CHRNB3: variants seen among roughly 807,000 people sequenced by gnomAD.
CHRNB3 encodes the protein neuronal acetylcholine receptor subunit beta-3.
A neutral mutation model predicts 40.6 loss-of-function variants in CHRNB3; 37 were observed. That is an observed-to-expected ratio of 0.91 (90% CI 0.70 to 1.20). The LOEUF (loss-of-function observed/expected upper bound fraction) is 1.20. Among genes scored for constraint, CHRNB3 ranks in the 50% most tolerant of loss-of-function variants. The pLI is 0.00. For missense variants in CHRNB3, 505 were observed against 551.2 expected (o/e 0.92, Z 0.84); for synonymous variants, 207 against 207.1 (o/e 1.00, Z 0.00).
At chr8:42,719,775 T>C (rs1437168115) in intron 3 of CHRNB3, among the ~76,000 whole-genome samples, 3 of 152,134 alleles carry the variant, frequency 2.0e-5, no homozygotes, top group Non-Finnish European at 4.4e-5. Context: ...TGCAAAGCAA[T>C]GCAGCAGCTG....
chr8:42,735,763 TC>T (rs887841519), intron 5 of CHRNB3, among the ~76,000 whole-genome samples: 1 of 152,108 alleles, frequency 6.6e-6, no homozygotes, highest in Admixed American at 6.6e-5. Context: ...TGAATTCCTG[TC>T]TTGTCCTGGT....
chr8:42,698,157 T>G (rs955924138), intron 1 of CHRNB3, among the ~76,000 whole-genome samples: 3 of 152,126 alleles, frequency 2.0e-5, no homozygotes, highest in Non-Finnish European at 4.4e-5. Context: ...TAGAGGAATT[T>G]TTGATAAGGA....
chr8:42,698,461 G>T lies in CHRNB3; in HGVS notation c.52+863G>T, dbSNP rs556223368. Among the ~76,000 whole-genome samples, 46 of 152,266 alleles carry T rather than the reference G, an allele frequency of 3.0e-4. 2 individuals carry two copies. The highest frequency in any genetic ancestry group is 2.6e-3 in the Admixed American group (39 of 15,288). ...AGTATTTTTGCCACGTTTGATTATTGTAATTTTCAAATGGAGAACTGGAGA... is the reference window on the plus strand; with the variant it reads ...AGTATTTTTGCCACGTTTGATTATTTTAATTTTCAAATGGAGAACTGGAGA... On this transcript the variant is annotated intron_variant, in intron 1 of 5. Transcript: ENST00000289957.
chr8:42,703,872 G>C (rs1232153258), intron 1 of CHRNB3, among the ~76,000 whole-genome samples: 1 of 152,216 alleles, frequency 6.6e-6, no homozygotes, highest in South Asian at 2.1e-4. Context: ...GGACAAACCA[G>C]AAACATTTCC....
At chr8:42,724,343 C>CA (rs1336388713) in intron 3 of CHRNB3, among the ~76,000 whole-genome samples, 2 of 152,134 alleles carry the variant, frequency 1.3e-5, no homozygotes, top group Non-Finnish European at 2.9e-5. Flanking sequence ...TGCTTTCCCC[C>CA]AAAGTTCAAG....
chr8:42,736,766 G>T lies in CHRNB3; in HGVS notation c.*148G>T. 1 of 967,330 alleles carries T rather than the reference G, an allele frequency of 1.0e-6. No individual in the cohort carries two copies. The allele number at this position is 967,330 out of a possible 1,614,324, so 59.9% of individuals were successfully genotyped here. The stretch of plus-strand genomic sequence containing the variant: ...ACATCTCCTCATGGGAGAAACTCTG[G>T]TAAATGTGCTCATTTGTGGTTGCCA... On this transcript the variant is annotated 3_prime_UTR_variant, in exon 6 of 6. Transcript: ENST00000289957.
chr8:42,721,762 A>G (rs936833153), intron 3 of CHRNB3: 14 of 144,760 alleles, frequency 9.7e-5, no homozygotes, highest in Non-Finnish European at 2.0e-4. Flanking sequence ...AAAACAAAAC[A>G]TTTCCTGTGT....
At chr8:42,728,409 G>A (rs1421789704) in intron 3 of CHRNB3, among the ~76,000 whole-genome samples, 2 of 152,048 alleles carry the variant, frequency 1.3e-5, no homozygotes, top group African/African-American at 4.8e-5. Context: ...TGTGGTCCCA[G>A]CTACTTGGGA....
intron 1 of CHRNB3, among the ~76,000 whole-genome samples, chr8:42,706,703 GGCTGCTCCCAGT>G (rs1815928277): frequency 6.6e-6 from 1 of 152,104 alleles, no homozygotes; most frequent in Admixed American, 6.6e-5. Context: ...CTGCCCAGCT[GGCTGCTCCCAGT>G]GCTGCTCTTG....
chr8:42,734,198 G>C (rs1816478039), intron 5 of CHRNB3, among the ~76,000 whole-genome samples: 1 of 138,304 alleles, frequency 7.2e-6, no homozygotes, highest in Non-Finnish European at 1.5e-5. Flanking sequence ...AGAGGTTGCA[G>C]TGAGCTGAGA....
Position 42,730,654 on chromosome 8 carries a change from A to G in CHRNB3, c.310A>G (p.Lys104Glu). The G allele has an allele frequency of 6.2e-7, 1 of 1,611,710 alleles. No individual in the cohort carries two copies. Among genetic ancestry groups the G allele is most frequent in the Non-Finnish European group, 8.5e-7 (1 of 1,178,494 alleles). Residue 104 changes from lysine (K) to glutamate (E), a missense_variant, in exon 4 of 6, where the codon AAA (lysine) becomes GAA (glutamate). By Grantham distance (56) the Lys-to-Glu change is moderately conservative. Coordinates refer to ENST00000289957, the MANE Select transcript of CHRNB3 (RefSeq NM_000749.5). Reference sequence around the variant, plus strand: ...TGATTATGGTGGGATCCATTCCATTAAAGTTCCATCAGAATCTCTGTGGCT... The same window carrying G: ...TGATTATGGTGGGATCCATTCCATTGAAGTTCCATCAGAATCTCTGTGGCT... ...PDDYGGIHSI[K>E]VPSESLWLPD... is the part of the protein sequence containing the mutation.
intron 1 of CHRNB3, among the ~76,000 whole-genome samples, chr8:42,708,393 GA>G (rs1365809760): frequency 6.6e-6 from 1 of 152,078 alleles, no homozygotes; most frequent in African/African-American, 2.4e-5. Context: ...ATGAACCCTG[GA>G]GGCGGAGCTT....
intron 3 of CHRNB3, among the ~76,000 whole-genome samples, chr8:42,720,111 CTTTTTTTTTTTTTTTTTT>C (rs869178430): frequency 6.2e-5 from 3 of 48,748 alleles, no homozygotes; most frequent in African/African-American, 1.8e-4. Flanking sequence ...CAGAAGCCTT[CTTTTTTTTTTTTTTTTTT>C]TTTTTTTTTT....
At chr8:42,726,147 C>G (rs1266637806) in intron 3 of CHRNB3, 2 of 1,365,758 alleles carry the variant, frequency 1.5e-6, no homozygotes, top group African/African-American at 1.4e-5. Context: ...GCCTGGGTGG[C>G]TTTGAGGGCT....
chr8:42,708,628 A>G (rs1815959436), intron 1 of CHRNB3, 89 bp from the exon 2 acceptor site: 2 of 1,418,704 alleles, frequency 1.4e-6, no homozygotes, highest in East Asian at 2.3e-5. Flanking sequence ...CCTATGGTGC[A>G]GGAGGCCAAG....
intron 3 of CHRNB3, chr8:42,714,744 A>G (rs890966478): frequency 1.3e-5 from 2 of 152,260 alleles, no homozygotes; most frequent in African/African-American, 4.8e-5. Flanking sequence ...CAACCATCCT[A>G]TAAGGGAGGT....
intron 1 of CHRNB3, chr8:42,705,483 G>T (rs1480227222): frequency 6.6e-6 from 1 of 152,296 alleles, no homozygotes; most frequent in African/African-American, 2.4e-5. Context: ...CATGGGAGGG[G>T]TTGGCACCCT....
rs764540130 is a variant in CHRNB3, at chr8:42,731,979, GT to G, written c.673del (p.Tyr225IlefsTer5). On this transcript the variant is annotated frameshift_variant, in exon 5 of 6. Coordinates refer to ENST00000289957, the MANE Select transcript of CHRNB3 (RefSeq NM_000749.5). LOFTEE classifies it high-confidence loss of function. ...GCGTGTACTCCTATCCCTTTATCACGTATTCCTTCGTCCTGAGACGCCTGCC... is the reference window on the plus strand; with the variant it reads ...GCGTGTACTCCTATCCCTTTATCACGATTCCTTCGTCCTGAGACGCCTGCC... ...DGVYSYPFIT[Y>X]SFVLRRLPLF... is the part of the protein sequence containing the mutation. The G allele has an allele frequency of 3.1e-6, 5 of 1,613,954 alleles. No homozygotes were observed. The highest frequency in any genetic ancestry group is 1.7e-5 in the Admixed American group (1 of 59,994).
intron 5 of CHRNB3, among the ~76,000 whole-genome samples, chr8:42,736,105 TC>T (rs550325961): frequency 6.6e-6 from 1 of 151,918 alleles, no homozygotes; most frequent in Non-Finnish European, 1.5e-5. Context: ...CCTCAGGTGA[TC>T]CCCCCACCCC....
Sources: allele counts gnomAD v4.1 joint callset (sites outside exome capture counted in the v4.1 genomes callset), GRCh38; gene constraint gnomAD v4.1.1; transcripts MANE v1.5; gene names NCBI Gene and HGNC (gene_info 2026-07-23, HGNC 2026-07-21).